Variants in ST6GALNAC3 observed in about 807,000 individuals in gnomAD.
ST6GALNAC3 encodes the protein alpha-N-acetylgalactosaminide alpha-2,6-sialyltransferase 3.
In ST6GALNAC3, 25 loss-of-function variants were observed where a neutral mutation model predicts 32.7. The ratio of observed to expected loss-of-function variants is 0.76; its 90% CI spans 0.56 to 1.07. The LOEUF (loss-of-function observed/expected upper bound fraction) is 1.07. Among genes scored for constraint, ST6GALNAC3 ranks in the 50% least tolerant of loss-of-function variants. ST6GALNAC3 has a pLI of 0.00. For missense variants in ST6GALNAC3, 355 were observed against 382.4 expected, an observed-to-expected ratio of 0.93 and a Z score of 0.60; for synonymous variants, 129 against 133.1, an observed-to-expected ratio of 0.97 and a Z score of 0.21.
At chr1:76,540,910 T>C (rs1203539670) in intron 3 of ST6GALNAC3, among the ~76,000 whole-genome samples, 3 of 152,130 alleles carry the variant, frequency 2.0e-5, no homozygotes, top group Non-Finnish European at 4.4e-5. Flanking sequence ...GGGAAACCAA[T>C]ATGTAAACAG....
chr1:76,421,310 C>G (rs971700911), intron 3 of ST6GALNAC3, among the ~76,000 whole-genome samples: 2 of 152,046 alleles, frequency 1.3e-5, no homozygotes, highest in Non-Finnish European at 2.9e-5. Flanking sequence ...TACCCAAAGG[C>G]TGGCAAATCT....
rs759271356 is a variant in ST6GALNAC3 at position 76,412,204 on chromosome 1, T to TA, written c.416dup (p.Asn139LysfsTer3). 6.2e-7 allele frequency: 1 copy of TA among 1,613,760 alleles called. No homozygotes were observed. The highest frequency in any genetic ancestry group is 8.5e-7 in the Non-Finnish European group (1 of 1,179,824). ...TCCCATACCAGCGTTCCTCTTTTGC[T>TA]AAAAAACCCTGATTATTTTTTCAAG... On this transcript the variant is annotated frameshift_variant, in exon 3 of 5. Coordinates refer to ENST00000328299, the MANE Select transcript of ST6GALNAC3 (RefSeq NM_152996.4). LOFTEE classifies it high-confidence loss of function.
intron 1 of ST6GALNAC3, among the ~76,000 whole-genome samples, chr1:76,075,128 G>C (rs1438658020): frequency 6.6e-6 from 1 of 152,222 alleles, no homozygotes; most frequent in Non-Finnish European, 1.5e-5. Context: ...GCAGACTGTT[G>C]GCTCCAGGGG....
Position 76,630,885 on chromosome 1 carries a change from C to T in ST6GALNAC3, c.*2079C>T, listed in dbSNP as rs540279968. ...TAAACAGAGACAAATGTTAAAATTG[C>T]CATACAGACTGTTTTTCCCCCTGTT... is the stretch of plus-strand genomic sequence containing the variant. On this transcript the variant is annotated 3_prime_UTR_variant, in exon 5 of 5. Coordinates refer to ENST00000328299, the MANE Select transcript of ST6GALNAC3 (RefSeq NM_152996.4). 2 of 985,478 alleles carry T rather than the reference C, an allele frequency of 2.0e-6. No individual in the cohort carries two copies. Among genetic ancestry groups the T allele is most frequent in the African/African-American group, 3.5e-5 (2 of 57,260 alleles). 61.0% of individuals were successfully genotyped at this position (985,478 alleles called of 1,614,324 possible). A position where few individuals can be genotyped will look rare whatever the true frequency, so the allele number is the denominator to read the frequency against.
intron 1 of ST6GALNAC3, among the ~76,000 whole-genome samples, chr1:76,123,968 C>T (rs113089333): frequency 1.3e-5 from 2 of 152,148 alleles, no homozygotes; most frequent in African/African-American, 4.8e-5. Flanking sequence ...CCAGGCTGGT[C>T]TCCAACTCTT....
At chr1:76,503,205 G>A (rs1341346167) in intron 3 of ST6GALNAC3, among the ~76,000 whole-genome samples, 1 of 152,162 alleles carries the variant, frequency 6.6e-6, no homozygotes, top group African/African-American at 2.4e-5. Context: ...GTCATCCAAT[G>A]GCAACACCTC....
intron 1 of ST6GALNAC3, among the ~76,000 whole-genome samples, chr1:76,133,181 A>T (rs769851393): frequency 3.3e-5 from 5 of 151,490 alleles, no homozygotes; most frequent in Admixed American, 1.3e-4. Flanking sequence ...GTAGCTTGGG[A>T]CTCTCCTGGC....
rs35901241 is a variant in ST6GALNAC3, at chr1:76,623,517, T to TA, written c.624-3926dup. 3.0e-3 allele frequency among the ~76,000 whole-genome samples: 454 copies of TA among 151,056 alleles called. 11 individuals are homozygous for TA. The East Asian group carries it at 0.065, about 22-fold the overall frequency. ...TTTATTGATCCCCAAATGTGGAAGG[T>TA]AAAAAAAAATGCTATGGTTGATGGC... On this transcript the variant is annotated intron_variant, in intron 3 of 4. Transcript: ENST00000328299.
chr1:76,634,255 G>T lies in ST6GALNAC3; in HGVS notation c.*5449G>T. On this transcript the variant is annotated 3_prime_UTR_variant, in exon 5 of 5. Coordinates refer to ENST00000328299, the MANE Select transcript of ST6GALNAC3 (RefSeq NM_152996.4). ...AAGTTCACATATTTGCCTATGAAGT[G>T]AGAGCTATTTCTAAGAAACTTCAAA... The T allele has an allele frequency of 1.3e-6, 1 of 760,826 alleles. No individual in the cohort carries two copies. The highest frequency in any genetic ancestry group is 1.9e-5 in the African/African-American group (1 of 52,718). 47.1% of individuals were successfully genotyped at this position (760,826 alleles called of 1,614,324 possible).
chr1:76,591,560 C>T (rs1252832920), intron 3 of ST6GALNAC3, among the ~76,000 whole-genome samples: 1 of 152,178 alleles, frequency 6.6e-6, no homozygotes, highest in Non-Finnish European at 1.5e-5. Flanking sequence ...GCACCTGCTT[C>T]ATGCCTTGCA....
At chr1:76,192,575 C>T (rs1653961253) in intron 1 of ST6GALNAC3, among the ~76,000 whole-genome samples, 1 of 152,172 alleles carries the variant, frequency 6.6e-6, no homozygotes, top group African/African-American at 2.4e-5. Context: ...TGCTTTTTAT[C>T]ATTCCGTTGG....
Position 76,111,852 on chromosome 1 carries a change from A to C in ST6GALNAC3, c.18+36968A>C, listed in dbSNP as rs571886124. ...CATGTCTACCTCTTTCTACACAGAC[A>C]CGGCAACCATCTGATTTCTCAATCT... is the stretch of plus-strand genomic sequence containing the variant. On this transcript the variant is annotated intron_variant, in intron 1 of 4. Coordinates refer to ENST00000328299, the MANE Select transcript of ST6GALNAC3 (RefSeq NM_152996.4). Among the ~76,000 whole-genome samples the C allele has an allele frequency of 6.7e-4, 102 of 152,116 alleles. 1 individual carries two copies. In the South Asian group the frequency reaches 0.018, roughly 27 times the overall value.
intron 2 of ST6GALNAC3, among the ~76,000 whole-genome samples, chr1:76,324,851 T>G (rs1425090029): frequency 1.3e-5 from 2 of 152,246 alleles, no homozygotes; most frequent in Non-Finnish European, 2.9e-5. Flanking sequence ...TCTCAATTTT[T>G]AAATAAATCT....
At position 76,425,388 on chromosome 1, in the gene ST6GALNAC3, C is replaced by A. The variant is rs1440634882; in HGVS notation, c.623+12971C>A. Reference sequence around the variant, plus strand: ...CTAACATACAACCATACGCCCTCACCCGCGTACACTCACACCAAGCTCTTT... The same window carrying A: ...CTAACATACAACCATACGCCCTCACACGCGTACACTCACACCAAGCTCTTT... On this transcript the variant is annotated intron_variant, in intron 3 of 4. Transcript: ENST00000328299. Among the ~76,000 whole-genome samples, 6 of 151,920 alleles carry A rather than the reference C, an allele frequency of 3.9e-5. 1 individual carries two copies. The South Asian group carries it at 1.2e-3, about 31-fold the overall frequency.
At chr1:76,492,022 A>G (rs74089966) in intron 3 of ST6GALNAC3, among the ~76,000 whole-genome samples, 4,125 of 152,328 alleles carry the variant, frequency 0.027, 194 homozygotes, top group African/African-American at 0.095. Flanking sequence ...AATTAGATAT[A>G]CACAACTGTC....
intron 2 of ST6GALNAC3, among the ~76,000 whole-genome samples, chr1:76,399,419 C>T (rs745522130): frequency 6.6e-6 from 1 of 152,174 alleles, no homozygotes; most frequent in Admixed American, 6.5e-5. Flanking sequence ...AAAAATGTCT[C>T]ATTTCCTCTG....
intron 1 of ST6GALNAC3, among the ~76,000 whole-genome samples, chr1:76,145,896 G>T (rs143980442): frequency 7.9e-5 from 12 of 152,300 alleles, no homozygotes; most frequent in African/African-American, 2.6e-4. Flanking sequence ...ATTTACAAGT[G>T]ATTAATTTAA....
At chr1:76,423,072 A>G (rs1481456348) in intron 3 of ST6GALNAC3, among the ~76,000 whole-genome samples, 1 of 151,922 alleles carries the variant, frequency 6.6e-6, no homozygotes, top group African/African-American at 2.4e-5. Flanking sequence ...TCAACCTGCT[A>G]TTTGCTTTGC....
intron 1 of ST6GALNAC3, among the ~76,000 whole-genome samples, chr1:76,301,017 T>C (rs1414360145): frequency 6.6e-6 from 1 of 152,024 alleles, no homozygotes; most frequent in East Asian, 1.9e-4. Flanking sequence ...AAATTGATGA[T>C]CATTGATTGT....
Sources: allele counts gnomAD v4.1 joint callset (sites outside exome capture counted in the v4.1 genomes callset), GRCh38; gene constraint gnomAD v4.1.1; transcripts MANE v1.5; gene names NCBI Gene and HGNC (gene_info 2026-07-23, HGNC 2026-07-21).